The following UPB1 variants were observed in gnomAD, a reference collection of about 807,000 sequenced individuals.
UPB1 encodes the protein beta-ureidopropionase 1.
UPB1 carries 40 observed loss-of-function variants against 49.1 expected under a neutral mutation model. That is an observed-to-expected ratio of 0.81 (90% confidence interval 0.63 to 1.06). The LOEUF is 1.06. Among genes scored for constraint, UPB1 ranks in the 50% least tolerant of loss-of-function variants. The pLI is 0.00. For synonymous variants in UPB1, 207 were observed against 198.2 expected (o/e 1.04, Z -0.38); for missense variants, 499 against 505.9 (o/e 0.99, Z 0.13).
chr22:24,506,536 A>T (rs5760464), intron 3 of UPB1, among the ~76,000 whole-genome samples: 9,250 of 152,142 alleles, frequency 0.061, 725 homozygotes, highest in African/African-American at 0.17. Context: ...GCCTCAGTGC[A>T]CCATCCTTGT....
intron 7 of UPB1, among the ~76,000 whole-genome samples, chr22:24,520,924 T>A (rs911619278): frequency 6.6e-6 from 1 of 152,166 alleles, no homozygotes; most frequent in Non-Finnish European, 1.5e-5. Context: ...GGCTCATGCT[T>A]GTAATCCTAA....
At chr22:24,518,889 T>C (rs1006459312) in intron 6 of UPB1, among the ~76,000 whole-genome samples, 4 of 152,156 alleles carry the variant, frequency 2.6e-5, no homozygotes, top group Non-Finnish European at 5.9e-5. Flanking sequence ...GCGCTGGGAA[T>C]ATGGCAAACG....
intron 5 of UPB1, 97 bp downstream of exon 5, chr22:24,513,582 G>T: frequency 6.7e-7 from 1 of 1,503,542 alleles, no homozygotes; most frequent in South Asian, 1.2e-5. Context: ...TTCTGTGCAG[G>T]ATCATACTCC....
In UPB1 at chr22:24,525,772, G is replaced by T; in HGVS notation, c.1133G>T (p.Ser378Ile). ...ELAEAVKSNYSPTIVKE is the reference protein window; with the variant it reads ...ELAEAVKSNYIPTIVKE ...GCCGAAGCTGTCAAGTCCAACTACA[G>T]CCCCACCATCGTGAAAGAGTAGCCG... Residue 378 changes from serine (S) to isoleucine (I), a missense_variant, in exon 10 of 10, where the codon AGC (serine) becomes ATC (isoleucine). Transcript: ENST00000326010. 2 of 1,614,202 alleles carry T rather than the reference G, an allele frequency of 1.2e-6. No homozygotes were observed. The highest frequency in any genetic ancestry group is 8.5e-7 in the Non-Finnish European group (1 of 1,180,040).
chr22:24,495,409 G>A lies in UPB1; in HGVS notation c.6G>A (p.Ala2=), dbSNP rs140976368. Residue 2 remains alanine, a synonymous_variant, in exon 1 of 10, where the codon GCG becomes GCA. Coordinates refer to ENST00000326010, the MANE Select transcript of UPB1 (RefSeq NM_016327.3). The stretch of plus-strand genomic sequence containing the variant: ...AGCACTGGCGGACCGTGGCCATGGC[G>A]GGCGCTGAGTGGAAGTCGCTGGAGG... The part of the protein sequence containing the change: M[A]GAEWKSLEEC... The A allele has an allele frequency of 1.9e-6, 3 of 1,613,044 alleles. No individual in the cohort carries two copies. Among genetic ancestry groups the A allele is most frequent in the African/African-American group, 2.7e-5 (2 of 74,932 alleles).
chr22:24,504,179 A>G (rs1398759068), intron 3 of UPB1, among the ~76,000 whole-genome samples: 1 of 152,228 alleles, frequency 6.6e-6, no homozygotes, highest in African/African-American at 2.4e-5. Context: ...TGGGTTGCCA[A>G]CCGCTCTGGT....
At chr22:24,523,917 C>A in intron 9 of UPB1, 144 bp downstream of exon 9, 3 of 1,261,276 alleles carry the variant, frequency 2.4e-6, no homozygotes, top group Non-Finnish European at 3.4e-6. Context: ...AGGGCTGAAT[C>A]TCTGCCTCCT....
At chr22:24,495,612 G>C in intron 1 of UPB1, 105 bp downstream of exon 1, 2 of 1,271,454 alleles carry the variant, frequency 1.6e-6, no homozygotes, top group South Asian at 2.4e-5. Context: ...CAGGGGAGGC[G>C]GTGAGAAGTC....
At chr22:24,501,588 C>T (rs1202143668) in intron 2 of UPB1, among the ~76,000 whole-genome samples, 2 of 152,198 alleles carry the variant, frequency 1.3e-5, no homozygotes, top group African/African-American at 4.8e-5. Flanking sequence ...ATAGATAACA[C>T]CTCCAGGAAG....
rs1350510504 is a variant in UPB1, at chr22:24,511,615, TA to T, written c.459+773del. Among the ~76,000 whole-genome samples the T allele has an allele frequency of 6.6e-3, 433 of 65,574 alleles. 4 individuals are homozygous for T. The highest frequency in any genetic ancestry group is 0.017 in the South Asian group (43 of 2,512). The allele number at this position is 65,574 out of a possible 152,430, so 43.0% of individuals were successfully genotyped here. A position where few individuals can be genotyped will look rare whatever the true frequency, so the allele number is the denominator to read the frequency against. On this transcript the variant is annotated intron_variant, in intron 4 of 9. Coordinates refer to ENST00000326010, the MANE Select transcript of UPB1 (RefSeq NM_016327.3). ...TCTGTGAATTATATATATATATATA[TA>T]TATTTTTTTTTTTTTGAGATGGAGT...
At chr22:24,521,324 A>G (rs1248672102) in intron 7 of UPB1, among the ~76,000 whole-genome samples, 2 of 151,984 alleles carry the variant, frequency 1.3e-5, no homozygotes, top group East Asian at 3.9e-4. Flanking sequence ...TCTACTGAAA[A>G]TACAAAAAAT....
At chr22:24,499,132 A>G (rs2043942888) in intron 1 of UPB1, among the ~76,000 whole-genome samples, 1 of 152,198 alleles carries the variant, frequency 6.6e-6, no homozygotes, top group African/African-American at 2.4e-5. Context: ...CAGAGCTGTC[A>G]GGGCCGTCAC....
chr22:24,508,087 T>G (rs2044124135), intron 3 of UPB1, among the ~76,000 whole-genome samples: 1 of 152,156 alleles, frequency 6.6e-6, no homozygotes, highest in Admixed American at 6.5e-5. Context: ...GCCTGGCATT[T>G]AGGAGATACT....
chr22:24,505,253 T>C (rs2044069953), intron 3 of UPB1, among the ~76,000 whole-genome samples: 1 of 152,228 alleles, frequency 6.6e-6, no homozygotes, highest in African/African-American at 2.4e-5. Context: ...AATTTTGTTT[T>C]CTCTCTTATT....
chr22:24,501,706 A>G (rs900771415), intron 2 of UPB1, among the ~76,000 whole-genome samples: 5 of 152,228 alleles, frequency 3.3e-5, no homozygotes, highest in Admixed American at 3.3e-4. Context: ...TAAGATGCAC[A>G]CAGGATAAGT....
chr22:24,525,677 G>A, intron 9 of UPB1, 34 bp from the exon 10 acceptor site: 1 of 1,613,754 alleles, frequency 6.2e-7, no homozygotes, highest in Non-Finnish European at 8.5e-7. Flanking sequence ...TATAAAACCA[G>A]AACCTCTAAA....
chr22:24,500,159 G>C lies in UPB1; in HGVS notation c.157G>C (p.Glu53Gln). The C allele has an allele frequency of 6.2e-7, 1 of 1,614,212 alleles. No individual in the cohort carries two copies. The highest frequency in any genetic ancestry group is 8.5e-7 in the Non-Finnish European group (1 of 1,180,040). ...CGAAGCTGCCTCCAGAGAAGACTTTGAACTGCAGGGATATGCCTTTGAAGC... is the reference window on the plus strand; with the variant it reads ...CGAAGCTGCCTCCAGAGAAGACTTTCAACTGCAGGGATATGCCTTTGAAGC... Reference protein sequence around the residue: ...AFEAASREDFELQGYAFEAAE... With the variant: ...AFEAASREDFQLQGYAFEAAE... The change falls in exon 2 of 10, where the codon GAA becomes CAA. Residue 53 changes from glutamate (E) to glutamine (Q), a missense_variant. By Grantham distance (29) the Glu-to-Gln change is conservative. Transcript: ENST00000326010.
At chr22:24,520,608 T>C in intron 7 of UPB1, 140 bp downstream of exon 7, 1 of 950,494 alleles carries the variant, frequency 1.1e-6, no homozygotes, top group South Asian at 1.4e-5. Flanking sequence ...CTTTTCAAGA[T>C]ATCTCTGTCC....
intron 3 of UPB1, among the ~76,000 whole-genome samples, chr22:24,509,919 T>C (rs916890781): frequency 6.6e-6 from 1 of 152,168 alleles, no homozygotes; most frequent in Non-Finnish European, 1.5e-5. Context: ...ACAGCTATTC[T>C]ACTTTCTGTC....
Sources: gnomAD v4.1 joint callset for allele counts (sites outside exome capture counted in the v4.1 genomes callset) on GRCh38, gnomAD v4.1.1 for gene constraint, MANE v1.5 for transcripts, NCBI Gene and HGNC (gene_info 2026-07-23, HGNC 2026-07-21) for gene names.